Variants in CRYBG3 observed in about 807,000 individuals in gnomAD.
The protein encoded by CRYBG3 is crystallin beta-gamma domain containing 3.
In CRYBG3, 127 loss-of-function variants were observed where a neutral mutation model predicts 244.2. The ratio of observed to expected loss-of-function variants is 0.52; its 90% CI spans 0.45 to 0.60. CRYBG3 has a LOEUF of 0.60. Among genes scored for constraint, CRYBG3 ranks in the 20% least tolerant of loss-of-function variants. CRYBG3 has a pLI of 0.00. For synonymous variants in CRYBG3, 1,132 were observed against 1,195.8 expected, an observed-to-expected ratio of 0.95 and a Z score of 1.10; for missense variants, 3,325 against 3,442.5, an observed-to-expected ratio of 0.97 and a Z score of 0.85.
intron 15 of CRYBG3, among the ~76,000 whole-genome samples, chr3:97,906,988 C>T (rs1451454038): frequency 1.3e-5 from 2 of 151,322 alleles, no homozygotes; most frequent in African/African-American, 2.4e-5. Context: ...GCTTTTTCTG[C>T]ATCTATTGAG....
rs1192669591 is a variant in CRYBG3, at chr3:97,943,500, A to G, written c.*186A>G. On this transcript the variant is annotated 3_prime_UTR_variant, in exon 22 of 22. Transcript: ENST00000389622. ...TGGAAAAGCTCAAAATATTCTTGCC[A>G]TTACTCAGTGTTCCTATAAAGAAAA... 1.8e-6 allele frequency: 1 copy of G among 548,120 alleles called. No individual in the cohort carries two copies. Among genetic ancestry groups the G allele is most frequent in the African/African-American group, 2.0e-5 (1 of 49,812 alleles). 34.0% of individuals were successfully genotyped at this position (548,120 alleles called of 1,614,324 possible).
chr3:97,872,235 C>T lies in CRYBG3; in HGVS notation c.1041C>T (p.Ser347=). The change falls in exon 4 of 22, where the codon TCC becomes TCT. Residue 347 remains serine (S), a synonymous_variant. Transcript: ENST00000389622. The stretch of plus-strand genomic sequence containing the variant: ...GGAGTATTGAGAGAAATAGGTCATC[C>T]CCTTCTTCTGTGACTAACTCCAGCT... The part of the protein sequence containing the change: ...AWGSIERNRS[S]PSSVTNSSYD... 3.9e-6 allele frequency: 6 copies of T among 1,535,642 alleles called. No homozygotes were observed. Among genetic ancestry groups the T allele is most frequent in the Non-Finnish European group, 5.2e-6 (6 of 1,146,626 alleles).
chr3:97,880,166 G>A, intron 6 of CRYBG3, 66 bp downstream of exon 6: 1 of 799,940 alleles, frequency 1.3e-6, no homozygotes. Flanking sequence ...TGCTGTTAAT[G>A]CTTTTTTTTC....
At chr3:97,911,677 G>T (rs7653323) in intron 15 of CRYBG3, among the ~76,000 whole-genome samples, 1 of 152,172 alleles carries the variant, frequency 6.6e-6, no homozygotes, top group African/African-American at 2.4e-5. Flanking sequence ...GCATGTGCTC[G>T]TGCTCTCCTC....
intron 3 of CRYBG3, 29 bp from the exon 4 acceptor site, chr3:97,871,813 C>G: frequency 7.1e-7 from 1 of 1,413,776 alleles, no homozygotes; most frequent in Non-Finnish European, 9.3e-7. Flanking sequence ...AATTATATTT[C>G]CTGATACTCT....
intron 12 of CRYBG3, 130 bp from the exon 13 acceptor site, chr3:97,898,753 C>T: frequency 3.5e-6 from 2 of 574,706 alleles, no homozygotes; most frequent in Admixed American, 3.8e-5. Context: ...GTTTCCAGGG[C>T]CATCTAAAAT....
chr3:97,909,724 G>T (rs1224419705), intron 15 of CRYBG3, among the ~76,000 whole-genome samples: 5 of 150,648 alleles, frequency 3.3e-5, no homozygotes, highest in Non-Finnish European at 2.9e-5. Context: ...TAATTTGATC[G>T]TCTGAAGCCT....
At chr3:97,868,049 C>T (rs1021319191) in intron 3 of CRYBG3, among the ~76,000 whole-genome samples, 11 of 151,916 alleles carry the variant, frequency 7.2e-5, no homozygotes, top group East Asian at 1.9e-4. Flanking sequence ...TTTGGGAGGC[C>T]GAGGCGGGCG....
chr3:97,879,943 ATTAG>A (rs1271140121), intron 5 of CRYBG3, 38 bp from the exon 6 acceptor site: 4 of 1,088,408 alleles, frequency 3.7e-6, no homozygotes, highest in Non-Finnish European at 5.5e-6. Context: ...CATTCTAAAA[ATTAG>A]TTATTGTAAC....
chr3:97,940,620 T>C (rs929262051), intron 19 of CRYBG3, among the ~76,000 whole-genome samples: 10 of 152,060 alleles, frequency 6.6e-5, no homozygotes, highest in African/African-American at 2.2e-4. Context: ...TAAACATACA[T>C]GGTCTCTACT....
intron 1 of CRYBG3, among the ~76,000 whole-genome samples, chr3:97,831,322 T>C (rs2038650951): frequency 6.6e-6 from 1 of 152,152 alleles, no homozygotes; most frequent in African/African-American, 2.4e-5. Flanking sequence ...GTAATATGAT[T>C]CAGTTAATGA....
intron 2 of CRYBG3, among the ~76,000 whole-genome samples, chr3:97,847,974 A>G (rs1379224381): frequency 6.6e-6 from 1 of 152,198 alleles, no homozygotes; most frequent in Admixed American, 6.5e-5. Context: ...CCACTGTTTA[A>G]TAATTGACAT....
At chr3:97,870,705 T>C (rs2039292364) in intron 3 of CRYBG3, among the ~76,000 whole-genome samples, 1 of 152,132 alleles carries the variant, frequency 6.6e-6, no homozygotes, top group Non-Finnish European at 1.5e-5. Context: ...TCTTTTGAAA[T>C]AGATTACTTA....
chr3:97,913,275 C>T (rs2039892982), intron 16 of CRYBG3, among the ~76,000 whole-genome samples: 2 of 152,304 alleles, frequency 1.3e-5, no homozygotes, highest in South Asian at 4.1e-4. Flanking sequence ...AACTAGCCTC[C>T]TTTCCCTATC....
chr3:97,915,619 C>T lies in CRYBG3; in HGVS notation c.8124C>T (p.Leu2708=), dbSNP rs775248236. Residue 2708 remains leucine (L), a synonymous_variant, in exon 17 of 22, where the codon CTC becomes CTT. Coordinates refer to ENST00000389622, the MANE Select transcript of CRYBG3 (RefSeq NM_153605.4). ...ACTGCTTGGCTTTTAGCTGGCTCCT[C>T]TATTACCAAGAAGACATGTTTGTTA... ...SFKVLRGCWL[L]YYQEDMFVNH... 1.2e-6 allele frequency: 2 copies of T among 1,610,280 alleles called. No homozygotes were observed. Among genetic ancestry groups the T allele is most frequent in the Admixed American group, 1.7e-5 (1 of 59,832 alleles).
chr3:97,874,584 GATTTA>G lies in CRYBG3; in HGVS notation c.3391_3395del (p.Ile1131TyrfsTer7), dbSNP rs2039347895. On this transcript the variant is annotated frameshift_variant, in exon 4 of 22. Coordinates refer to ENST00000389622, the MANE Select transcript of CRYBG3 (RefSeq NM_153605.4). LOFTEE classifies it high-confidence loss of function. Reference sequence around the variant, plus strand: ...TAACCCCATTTCAGGAACATTTTGGGATTTATACTGGGAAGATATCCATTGATTTC... The same window carrying G: ...TAACCCCATTTCAGGAACATTTTGGGTACTGGGAAGATATCCATTGATTTC... 1.3e-6 allele frequency: 2 copies of G among 1,535,838 alleles called. No individual in the cohort carries two copies. Among genetic ancestry groups the G allele is most frequent in the African/African-American group, 2.7e-5 (2 of 72,994 alleles).
chr3:97,912,510 C>G (rs1325308307), intron 16 of CRYBG3, among the ~76,000 whole-genome samples: 1 of 152,150 alleles, frequency 6.6e-6, no homozygotes, highest in African/African-American at 2.4e-5. Flanking sequence ...TTTTGTCTCT[C>G]ACTGTGATCT....
intron 2 of CRYBG3, among the ~76,000 whole-genome samples, chr3:97,855,320 A>T (rs1202439360): frequency 1.3e-5 from 2 of 151,998 alleles, no homozygotes; most frequent in Non-Finnish European, 2.9e-5. Context: ...TTGTGTGTCC[A>T]TGTCTGCTTT....
At chr3:97,852,802 T>TA (rs947865834) in intron 2 of CRYBG3, among the ~76,000 whole-genome samples, 22 of 152,162 alleles carry the variant, frequency 1.4e-4, no homozygotes, top group African/African-American at 5.3e-4. Context: ...CAACAGTGTA[T>TA]AACAGTTCCC....
Sources: allele counts gnomAD v4.1 joint callset (sites outside exome capture counted in the v4.1 genomes callset), GRCh38; gene constraint gnomAD v4.1.1; transcripts MANE v1.5; gene names NCBI Gene and HGNC (gene_info 2026-07-23, HGNC 2026-07-21).